The following RARB variants were observed in gnomAD, a reference collection of about 807,000 sequenced individuals.
The protein encoded by RARB is HBV-activated protein.
RARB carries 17 observed loss-of-function variants against 51.9 expected under a neutral mutation model. That is an observed-to-expected ratio of 0.33 (90% CI 0.22 to 0.49). The LOEUF (loss-of-function observed/expected upper bound fraction) is 0.49, where lower values mean the gene tolerates loss of function less well. RARB is among the 20% of genes least tolerant of loss of function. The pLI is 0.99. For synonymous variants in RARB, 215 were observed against 195.4 expected, an observed-to-expected ratio of 1.10 and a Z score of -0.84; for missense variants, 369 against 550.8, an observed-to-expected ratio of 0.67 and a Z score of 3.30.
intron 4 of RARB, among the ~76,000 whole-genome samples, chr3:25,579,334 G>A (rs915112051): frequency 2.6e-5 from 4 of 152,146 alleles, no homozygotes; most frequent in African/African-American, 9.7e-5. Context: ...TATTTCCATT[G>A]CTCCAGAGAG....
intron 5 of RARB, among the ~76,000 whole-genome samples, chr3:25,365,252 C>T (rs1706081478): frequency 8.1e-6 from 1 of 124,156 alleles, no homozygotes; most frequent in Non-Finnish European, 1.6e-5. Flanking sequence ...GGATTCTAGC[C>T]AGGAATACAG....
In RARB at chr3:25,395,715, G is replaced by A. The variant is rs535396976; in HGVS notation, c.179-65478G>A. Among the ~76,000 whole-genome samples, 4 of 151,820 alleles carry A rather than the reference G, an allele frequency of 2.6e-5. No individual in the cohort carries two copies. In the East Asian group the frequency reaches 7.8e-4, roughly 29 times the overall value. On this transcript the variant is annotated intron_variant, in intron 5 of 11. Coordinates refer to the RARB transcript ENST00000383772. Reference sequence around the variant, plus strand: ...TGTTGAAACTTTGCAGTATATTTTGGATTTCTCTATGCTATCTATTTCTCT... The same window carrying A: ...TGTTGAAACTTTGCAGTATATTTTGAATTTCTCTATGCTATCTATTTCTCT...
chr3:25,494,253 G>GCACACACGCACGCACA (rs757972807), intron 2 of RARB, among the ~76,000 whole-genome samples: 26 of 131,968 alleles, frequency 2.0e-4, no homozygotes, highest in African/African-American at 6.3e-4. Context: ...TGTATCTTAC[G>GCACACACGCACGCACA]CACACACACA....
intron 2 of RARB, among the ~76,000 whole-genome samples, chr3:25,005,259 T>C (rs932458502): frequency 6.6e-6 from 1 of 152,196 alleles, no homozygotes; most frequent in Admixed American, 6.6e-5. Flanking sequence ...TATTTATTAC[T>C]GTGTAAGAAA....
Position 25,358,005 on chromosome 3 carries a change from C to T in RARB, c.179-103188C>T, listed in dbSNP as rs536119848. On this transcript the variant is annotated intron_variant, in intron 5 of 11. Transcript: ENST00000383772. ...TGGCTATACAGGCTCCTTTTTGGTT[C>T]CAAATGAAATTTAAAGTAGTTTTTT... 3.9e-5 allele frequency among the ~76,000 whole-genome samples: 6 copies of T among 152,154 alleles called. No homozygotes were observed. In the South Asian group the frequency reaches 1.0e-3, roughly 26 times the overall value.
Position 25,002,691 on chromosome 3 carries a change from G to A in RARB, c.-379-57434G>A, listed in dbSNP as rs137867510. Among the ~76,000 whole-genome samples the A allele has an allele frequency of 2.8e-3, 421 of 151,938 alleles. 1 individual carries two copies. Among genetic ancestry groups the A allele is most frequent in the African/African-American group, 9.8e-3 (408 of 41,442 alleles). On this transcript the variant is annotated intron_variant, in intron 2 of 11. Coordinates refer to the RARB transcript ENST00000383772. ...TTGCATGTGTATATATAGTAAATAT[G>A]TACATGTATACACATAAATCTATAT... is the stretch of plus-strand genomic sequence containing the variant.
chr3:25,530,478 T>G (rs1264626636), intron 3 of RARB, among the ~76,000 whole-genome samples: 1 of 152,210 alleles, frequency 6.6e-6, no homozygotes, highest in Non-Finnish European at 1.5e-5. Context: ...GCATTCCTTT[T>G]TGGAGGCTCT....
chr3:25,506,857 C>T (rs1462897297), intron 3 of RARB, among the ~76,000 whole-genome samples: 1 of 152,236 alleles, frequency 6.6e-6, no homozygotes, highest in East Asian at 1.9e-4. Context: ...TCCCATGCTT[C>T]TCCCCTACCA....
intron 2 of RARB, among the ~76,000 whole-genome samples, chr3:24,934,266 T>A (rs1695503392): frequency 6.6e-6 from 1 of 152,108 alleles, no homozygotes; most frequent in Admixed American, 6.6e-5. Context: ...CAGTTGTTAG[T>A]CTAAAAACTT....
chr3:25,213,787 A>G (rs1054849302), intron 5 of RARB, among the ~76,000 whole-genome samples: 16 of 152,212 alleles, frequency 1.1e-4, no homozygotes, highest in African/African-American at 3.9e-4. Context: ...ATGGTCAATC[A>G]TGCCTATTTA....
At chr3:25,248,606 T>C (rs1407604507) in intron 5 of RARB, among the ~76,000 whole-genome samples, 1 of 152,174 alleles carries the variant, frequency 6.6e-6, no homozygotes, top group African/African-American at 2.4e-5. Flanking sequence ...AGGACTCCCT[T>C]AAAGCATTTT....
intron 5 of RARB, among the ~76,000 whole-genome samples, chr3:25,177,132 C>T (rs1259530908): frequency 2.0e-5 from 3 of 152,068 alleles, no homozygotes; most frequent in East Asian, 1.9e-4. Context: ...TTGCTACAGT[C>T]GAAGCACATG....
chr3:25,105,436 AAAAAG>A (rs1273391688), intron 3 of RARB, among the ~76,000 whole-genome samples: 61 of 147,158 alleles, frequency 4.1e-4, no homozygotes, highest in African/African-American at 1.2e-3. Flanking sequence ...AAAAAAAAAA[AAAAAG>A]AAGATTTGTG....
At chr3:25,154,476 G>GT (rs1700343104) in intron 4 of RARB, among the ~76,000 whole-genome samples, 1 of 152,146 alleles carries the variant, frequency 6.6e-6, no homozygotes, top group Non-Finnish European at 1.5e-5. Flanking sequence ...GGCCCTCTCA[G>GT]TGGGACCCTT....
intron 2 of RARB, among the ~76,000 whole-genome samples, chr3:24,872,288 C>T (rs575298761): frequency 6.6e-6 from 1 of 152,272 alleles, no homozygotes; most frequent in South Asian, 2.1e-4. Context: ...CAGGCTTCTG[C>T]CTTGCTGCCT....
chr3:25,501,118 G>C, intron 2 of RARB, 64 bp from the exon 3 acceptor site: 2 of 1,511,090 alleles, frequency 1.3e-6, no homozygotes, highest in Non-Finnish European at 8.8e-7. Flanking sequence ...GATAAGGTTG[G>C]CTTTGATTTC....
chr3:25,306,011 G>A (rs1704144272), intron 5 of RARB, among the ~76,000 whole-genome samples: 1 of 152,180 alleles, frequency 6.6e-6, no homozygotes, highest in Admixed American at 6.5e-5. Context: ...CTTAAATGGA[G>A]CTGTAAATAT....
chr3:25,482,950 T>G (rs1348780749), intron 2 of RARB, among the ~76,000 whole-genome samples: 1 of 152,218 alleles, frequency 6.6e-6, no homozygotes, highest in East Asian at 1.9e-4. Context: ...TATTGAAATA[T>G]TTTTACATAG....
At chr3:25,061,482 T>C (rs986391920) in intron 3 of RARB, among the ~76,000 whole-genome samples, 2 of 151,884 alleles carry the variant, frequency 1.3e-5, no homozygotes, top group Non-Finnish European at 2.9e-5. Context: ...CTAATTGATT[T>C]TGAACTTAAT....
Sources: gnomAD v4.1 joint callset for allele counts (sites outside exome capture counted in the v4.1 genomes callset) on GRCh38, gnomAD v4.1.1 for gene constraint, MANE v1.5 for transcripts, NCBI Gene and HGNC (gene_info 2026-07-23, HGNC 2026-07-21) for gene names.